GALNT13: variants seen among roughly 807,000 people sequenced by gnomAD.
GALNT13 encodes the protein UDP-GalNAc:polypeptide N-acetylgalactosaminyltransferase 13.
A neutral mutation model predicts 64.2 loss-of-function variants in GALNT13; 28 were observed. The ratio of observed to expected loss-of-function variants is 0.44; its 90% CI spans 0.32 to 0.60. GALNT13 has a LOEUF of 0.60. Among genes scored for constraint, GALNT13 ranks in the 20% least tolerant of loss-of-function variants. The probability of loss-of-function intolerance (pLI) is 0.05; values close to 1 mark genes in which losing one functional copy is unlikely to be tolerated. For synonymous variants in GALNT13, 214 were observed against 224.6 expected (o/e 0.95, Z 0.42); for missense variants, 577 against 669.8 (o/e 0.86, Z 1.53).
chr2:153,473,686 C>T, the GALNT13 span, among the ~76,000 whole-genome samples: 8 of 152,212 alleles, frequency 5.3e-5, no homozygotes, highest in Admixed American at 3.3e-4. Context: ...CAGAACAAAC[C>T]GAACCCTGGA....
chr2:153,388,600 G>A, the GALNT13 span, among the ~76,000 whole-genome samples: 1,007 of 152,136 alleles, frequency 6.6e-3, 14 homozygotes, highest in African/African-American at 0.023. Context: ...GAATTCATTA[G>A]CCAGAGCACA....
At chr2:153,642,699 C>A in the GALNT13 span, among the ~76,000 whole-genome samples, 2 of 151,782 alleles carry the variant, frequency 1.3e-5, no homozygotes. Flanking sequence ...CAAAATTCAA[C>A]AATTATTGAG....
the GALNT13 span, among the ~76,000 whole-genome samples, chr2:153,126,879 G>T: frequency 6.6e-6 from 1 of 152,142 alleles, no homozygotes; most frequent in African/African-American, 2.4e-5. Context: ...CTGAGTTAAA[G>T]CTGTGCCTAT....
chr2:154,108,970 G>A (rs1009505900), intron 3 of GALNT13, among the ~76,000 whole-genome samples: 1 of 151,986 alleles, frequency 6.6e-6, no homozygotes, highest in African/African-American at 2.4e-5. Context: ...TAATTATGTA[G>A]TACAATAACT....
At chr2:154,171,018 C>A (rs1053926567) in intron 4 of GALNT13, among the ~76,000 whole-genome samples, 2 of 152,094 alleles carry the variant, frequency 1.3e-5, no homozygotes, top group Non-Finnish European at 2.9e-5. Context: ...AGCCTTGGGT[C>A]TCTCAATTAT....
the GALNT13 span, among the ~76,000 whole-genome samples, chr2:153,351,530 T>C: frequency 6.6e-6 from 1 of 152,144 alleles, no homozygotes; most frequent in Non-Finnish European, 1.5e-5. Flanking sequence ...CCTATGGATT[T>C]GGACAAATGT....
At chr2:154,326,712 C>T (rs1045923181) in intron 9 of GALNT13, among the ~76,000 whole-genome samples, 4 of 152,138 alleles carry the variant, frequency 2.6e-5, no homozygotes, top group South Asian at 2.1e-4. Flanking sequence ...AAGATAAAAT[C>T]GAGCTTAGCC....
chr2:153,752,819 A>G, the GALNT13 span, among the ~76,000 whole-genome samples: 1 of 152,042 alleles, frequency 6.6e-6, no homozygotes, highest in Admixed American at 6.6e-5. Flanking sequence ...GTTATTATAT[A>G]TTGGAATAAA....
chr2:153,709,573 CTG>C, the GALNT13 span, among the ~76,000 whole-genome samples: 1 of 151,912 alleles, frequency 6.6e-6, no homozygotes, highest in Non-Finnish European at 1.5e-5. Flanking sequence ...TTATGGAAAA[CTG>C]TATGGAAGTA....
At chr2:154,010,490 A>G (rs1167992699) in intron 3 of GALNT13, among the ~76,000 whole-genome samples, 1 of 152,182 alleles carries the variant, frequency 6.6e-6, no homozygotes, top group African/African-American at 2.4e-5. Context: ...TTGGTTTGCT[A>G]GTATTTTATT....
At chr2:153,160,468 T>A in the GALNT13 span, among the ~76,000 whole-genome samples, 1 of 152,202 alleles carries the variant, frequency 6.6e-6, no homozygotes, top group East Asian at 1.9e-4. Context: ...GCTTTGCATC[T>A]TTGTGTACTG....
At chr2:153,561,913 A>G in the GALNT13 span, among the ~76,000 whole-genome samples, 1 of 152,238 alleles carries the variant, frequency 6.6e-6, no homozygotes, top group Admixed American at 6.5e-5. Flanking sequence ...CCAAATTTAG[A>G]ATCAAACATA....
At chr2:153,093,869 G>A in the GALNT13 span, among the ~76,000 whole-genome samples, 69 of 152,220 alleles carry the variant, frequency 4.5e-4, no homozygotes, top group African/African-American at 1.6e-3. Context: ...TTATTGGTCT[G>A]TGCAGGTTTT....
At chr2:154,236,175 A>G in intron 4 of GALNT13, 2 of 1,086,092 alleles carry the variant, frequency 1.8e-6, no homozygotes, top group Non-Finnish European at 2.3e-6. Flanking sequence ...TTTATATGAC[A>G]TAAAGGTAAT....
At chr2:153,434,620 T>G in the GALNT13 span, among the ~76,000 whole-genome samples, 1 of 152,236 alleles carries the variant, frequency 6.6e-6, no homozygotes, top group African/African-American at 2.4e-5. Flanking sequence ...GCTGCATAAA[T>G]GTCTTCTTTT....
At chr2:153,461,610 G>A in the GALNT13 span, among the ~76,000 whole-genome samples, 1 of 152,066 alleles carries the variant, frequency 6.6e-6, no homozygotes, top group Non-Finnish European at 1.5e-5. Flanking sequence ...GGATCGTGCC[G>A]GAGTGGTATA....
chr2:154,405,010 T>G (rs1406002398), intron 10 of GALNT13, among the ~76,000 whole-genome samples: 1 of 151,942 alleles, frequency 6.6e-6, no homozygotes, highest in African/African-American at 2.4e-5. Context: ...TAGAAAAGCA[T>G]GACTGATGTA....
the GALNT13 span, among the ~76,000 whole-genome samples, chr2:153,480,069 C>T: frequency 3.3e-5 from 5 of 152,202 alleles, no homozygotes; most frequent in Non-Finnish European, 5.9e-5. Flanking sequence ...ATAATGGGTA[C>T]GCTAATTACT....
At chr2:153,452,179 G>A in the GALNT13 span, among the ~76,000 whole-genome samples, 1 of 152,170 alleles carries the variant, frequency 6.6e-6, no homozygotes, top group Non-Finnish European at 1.5e-5. Context: ...AACTGATGCT[G>A]TGGCCCAAAC....
Sources: allele counts gnomAD v4.1 joint callset (sites outside exome capture counted in the v4.1 genomes callset), GRCh38; gene constraint gnomAD v4.1.1; transcripts MANE v1.5; gene names NCBI Gene and HGNC (gene_info 2026-07-23, HGNC 2026-07-21).